The following THSD4 variants were observed in gnomAD, a reference collection of about 807,000 sequenced individuals.
THSD4 encodes thrombospondin type 1 domain containing 4, also known as thrombospondin type-1 domain-containing protein 4.
In THSD4, 69 loss-of-function variants were observed where a neutral mutation model predicts 119.0. The ratio of observed to expected loss-of-function variants is 0.58; its 90% confidence interval spans 0.48 to 0.71. THSD4 has a LOEUF of 0.71. THSD4 is among the 30% of genes least tolerant of loss of function. The pLI, the probability that THSD4 is intolerant of heterozygous loss-of-function variation, is 0.00. For synonymous variants in THSD4, 524 were observed against 540.4 expected (o/e 0.97, Z 0.42); for missense variants, 1,393 against 1,391.1 (o/e 1.00, Z -0.02).
Position 71,728,597 on chromosome 15 carries a change from T to C in THSD4, c.1406T>C (p.Ile469Thr). Reference protein sequence around the residue: ...GRSIINGNWAIDRPGKYEGGG... With the variant: ...GRSIINGNWATDRPGKYEGGG... ...TCCATCATCAATGGGAACTGGGCAA[T>C]TGATCGACCAGGAAAATACGAGGGC... Residue 469 changes from isoleucine to threonine, a missense_variant, in exon 9 of 18, where the codon ATT becomes ACT. Coordinates refer to ENST00000261862, the MANE Select transcript of THSD4 (RefSeq NM_024817.3). 1 of 1,614,184 alleles carries C rather than the reference T, an allele frequency of 6.2e-7. No homozygotes were observed. The highest frequency in any genetic ancestry group is 8.5e-7 in the Non-Finnish European group (1 of 1,180,034).
intron 7 of THSD4, among the ~76,000 whole-genome samples, chr15:71,515,753 T>G (rs542437012): frequency 1.2e-3 from 179 of 152,350 alleles, no homozygotes; most frequent in Non-Finnish European, 2.1e-3. Context: ...AAATTGTGTC[T>G]TGGCTCCTGG....
At chr15:71,158,554 G>A (rs1412374603) in intron 3 of THSD4, among the ~76,000 whole-genome samples, 2 of 152,016 alleles carry the variant, frequency 1.3e-5, no homozygotes, top group Admixed American at 1.3e-4. Context: ...GATCAGTGAT[G>A]TTGAGCATTT....
At chr15:71,600,110 A>G (rs1304678289) in intron 7 of THSD4, among the ~76,000 whole-genome samples, 2 of 152,226 alleles carry the variant, frequency 1.3e-5, no homozygotes, top group Non-Finnish European at 2.9e-5. Context: ...AGCAATTAAG[A>G]TTCTGCAGCA....
At chr15:71,370,410 T>G (rs1442224584) in intron 6 of THSD4, among the ~76,000 whole-genome samples, 2 of 152,234 alleles carry the variant, frequency 1.3e-5, no homozygotes, top group Non-Finnish European at 2.9e-5. Context: ...CTTTCTCTTG[T>G]GGGCATTTAG....
intron 8 of THSD4, among the ~76,000 whole-genome samples, chr15:71,716,328 T>G (rs138833377): frequency 6.6e-6 from 1 of 152,216 alleles, no homozygotes; most frequent in African/African-American, 2.4e-5. Context: ...TATTTCTAAA[T>G]AAGGTAACAT....
At chr15:71,389,925 T>A (rs2046353325) in intron 6 of THSD4, among the ~76,000 whole-genome samples, 1 of 150,456 alleles carries the variant, frequency 6.6e-6, no homozygotes, top group Non-Finnish European at 1.5e-5. Flanking sequence ...TTCTTCTGCC[T>A]CAGCCTGTAG....
intron 6 of THSD4, among the ~76,000 whole-genome samples, chr15:71,308,494 C>CTTTG (rs386383430): frequency 2.0e-5 from 3 of 151,718 alleles, no homozygotes; most frequent in African/African-American, 7.3e-5. Context: ...ATTTTGTTTT[C>CTTTG]TTTATTTTTT....
chr15:71,312,156 G>GT (rs751663922), intron 6 of THSD4, among the ~76,000 whole-genome samples: 59 of 152,132 alleles, frequency 3.9e-4, no homozygotes, highest in Non-Finnish European at 8.1e-4. Flanking sequence ...ACCTCAGATT[G>GT]TAACTGTATT....
chr15:71,524,407 T>G (rs1486870606), intron 7 of THSD4, among the ~76,000 whole-genome samples: 4 of 152,128 alleles, frequency 2.6e-5, no homozygotes, highest in African/African-American at 9.7e-5. Context: ...TTGCAGCAAG[T>G]ATGTTTCACC....
chr15:71,676,178 T>C (rs1318752852), intron 8 of THSD4, among the ~76,000 whole-genome samples: 1 of 152,260 alleles, frequency 6.6e-6, no homozygotes, highest in Non-Finnish European at 1.5e-5. Context: ...TTTTTCTTTT[T>C]TTATTGTGGT....
At chr15:71,377,211 A>T (rs1339892657) in intron 6 of THSD4, among the ~76,000 whole-genome samples, 1 of 152,232 alleles carries the variant, frequency 6.6e-6, no homozygotes. Flanking sequence ...ACAAAGAGGG[A>T]TGCCCAGTGG....
chr15:71,542,825 C>T (rs2048778034), intron 7 of THSD4, among the ~76,000 whole-genome samples: 1 of 150,388 alleles, frequency 6.6e-6, no homozygotes, highest in Admixed American at 6.6e-5. Flanking sequence ...TGCAGTGAGC[C>T]GAGATTGTGC....
chr15:71,529,501 C>A (rs2048578118), intron 7 of THSD4, among the ~76,000 whole-genome samples: 1 of 152,156 alleles, frequency 6.6e-6, no homozygotes, highest in Admixed American at 6.5e-5. Context: ...AGCAGGAAGT[C>A]TATTTGACTT....
intron 6 of THSD4, among the ~76,000 whole-genome samples, chr15:71,334,979 A>G (rs773148088): frequency 6.6e-5 from 10 of 152,168 alleles, no homozygotes; most frequent in Non-Finnish European, 1.2e-4. Context: ...GCTGTGCTGG[A>G]TTTGAAAAAG....
chr15:71,444,445 A>T (rs2047151950), intron 7 of THSD4, among the ~76,000 whole-genome samples: 1 of 152,226 alleles, frequency 6.6e-6, no homozygotes, highest in South Asian at 2.1e-4. Context: ...TGTAACTCTT[A>T]GTCAGAAGAC....
chr15:71,100,674 T>C (rs2040250541), intron 1 of THSD4, among the ~76,000 whole-genome samples: 1 of 152,204 alleles, frequency 6.6e-6, no homozygotes, highest in Admixed American at 6.5e-5. Context: ...GTTTATACCA[T>C]TTAAATTTAA....
chr15:71,242,804 C>G lies in THSD4; in HGVS notation c.620C>G (p.Ala207Gly). 6.2e-7 allele frequency: 1 copy of G among 1,614,196 alleles called. No homozygotes were observed. Among genetic ancestry groups the G allele is most frequent in the South Asian group, 1.1e-5 (1 of 91,086 alleles). ...TCCAGGTCCCAGGGAGCATCTTCTG[C>G]TAGGCATGGCTACAGTTCACCAGCC... The part of the protein sequence containing the change: ...RHSRSQGASS[A>G]RHGYSSPAHQ... Residue 207 changes from alanine to glycine, a missense_variant, in exon 5 of 18, where the codon GCT becomes GGT. Physicochemically the swap from Ala to Gly is moderately conservative, Grantham distance 60 (BLOSUM62 0). Coordinates refer to ENST00000261862, the MANE Select transcript of THSD4 (RefSeq NM_024817.3).
chr15:71,630,333 T>A (rs1411313682), intron 7 of THSD4, among the ~76,000 whole-genome samples: 1 of 152,164 alleles, frequency 6.6e-6, no homozygotes, highest in East Asian at 1.9e-4. Context: ...CTTTGATCTT[T>A]AATTTGAGCC....
chr15:71,488,029 C>T, intron 7 of THSD4, among the ~76,000 whole-genome samples: 1 of 152,094 alleles, frequency 6.6e-6, no homozygotes, highest in Non-Finnish European at 1.5e-5. Context: ...GTTATGTAGG[C>T]TGCTGCTTCT....
Sources: gnomAD v4.1 joint callset for allele counts (sites outside exome capture counted in the v4.1 genomes callset) on GRCh38, gnomAD v4.1.1 for gene constraint, MANE v1.5 for transcripts, NCBI Gene and HGNC (gene_info 2026-07-23, HGNC 2026-07-21) for gene names.